Variants in COLQ observed in about 807,000 individuals in gnomAD.
COLQ encodes collagen like tail subunit of asymmetric acetylcholinesterase, also known as acetylcholinesterase collagenic tail peptide.
A neutral mutation model predicts 69.0 loss-of-function variants in COLQ; 48 were observed. That is an observed-to-expected ratio of 0.70 (90% CI 0.55 to 0.88). COLQ has a LOEUF of 0.88. Among genes scored for constraint, COLQ ranks in the 40% least tolerant of loss-of-function variants. The pLI is 0.00. For synonymous variants in COLQ, 217 were observed against 211.2 expected (o/e 1.03, Z -0.24); for missense variants, 618 against 594.6 (o/e 1.04, Z -0.41).
intron 1 of COLQ, among the ~76,000 whole-genome samples, chr3:15,518,425 C>A (rs559605204): frequency 6.6e-6 from 1 of 152,292 alleles, no homozygotes; most frequent in South Asian, 2.1e-4. Flanking sequence ...TAGAGTGGTG[C>A]CCAAAGTAAG....
chr3:15,450,749 G>C lies in COLQ; in HGVS notation c.*895C>G, dbSNP rs1428792992. Reference sequence around the variant, plus strand: ...CAGCTGGCCCTAGATCGGGGACTCAGGGGAGTATCTGCCTAAGGACCAAGG... The same window carrying C: ...CAGCTGGCCCTAGATCGGGGACTCACGGGAGTATCTGCCTAAGGACCAAGG... On this transcript the variant is annotated 3_prime_UTR_variant, in exon 17 of 17. Transcript: ENST00000383788. The C allele has an allele frequency of 6.6e-6, 1 of 152,430 alleles. No individual in the cohort carries two copies. The highest frequency in any genetic ancestry group is 1.9e-4 in the East Asian group (1 of 5,196). The allele number at this position is 152,430 out of a possible 1,614,324, so 9.4% of individuals were successfully genotyped here.
chr3:15,517,819 G>A (rs1045900570), intron 1 of COLQ, among the ~76,000 whole-genome samples: 1 of 152,114 alleles, frequency 6.6e-6, no homozygotes, highest in Non-Finnish European at 1.5e-5. Context: ...GATAAAGTAG[G>A]CACAATCCAG....
intron 15 of COLQ, 90 bp downstream of exon 15, chr3:15,455,809 A>T (rs2125085128): frequency 6.4e-7 from 1 of 1,571,788 alleles, no homozygotes; most frequent in East Asian, 2.3e-5. Flanking sequence ...GAAAGGTCCC[A>T]AAGCACCACA....
intron 1 of COLQ, among the ~76,000 whole-genome samples, chr3:15,499,871 C>T (rs888097729): frequency 1.3e-5 from 2 of 152,154 alleles, no homozygotes; most frequent in African/African-American, 4.8e-5. Flanking sequence ...AGCTTTCTTA[C>T]TTATAAAGTG....
chr3:15,481,976 A>G (rs533876063), intron 3 of COLQ, among the ~76,000 whole-genome samples: 15 of 152,254 alleles, frequency 9.9e-5, no homozygotes, highest in Admixed American at 2.6e-4. Context: ...CTTTGAAGCA[A>G]TTGTGAATGG....
At chr3:15,475,351 C>G in intron 7 of COLQ, 74 bp downstream of exon 7, 2 of 1,401,826 alleles carry the variant, frequency 1.4e-6, no homozygotes. Flanking sequence ...CCACCCAGTC[C>G]CTATGTTTGT....
chr3:15,486,206 T>C (rs2062571070), intron 3 of COLQ, among the ~76,000 whole-genome samples: 1 of 152,220 alleles, frequency 6.6e-6, no homozygotes, highest in African/African-American at 2.4e-5. Context: ...CACAAGGTCA[T>C]TGTGCTCTAG....
At position 15,474,277 on chromosome 3, in the gene COLQ, G is replaced by A. The variant is rs758596509; in HGVS notation, c.556-5C>T. On this transcript the variant is annotated splice_region_variant and splice_polypyrimidine_tract_variant and intron_variant, in intron 8 of 16. Transcript: ENST00000383788. The stretch of plus-strand genomic sequence containing the variant: ...ACCCTTTTCACCTCTGGATCCCTAG[G>A]AAGAAACCATAGGAGAAAGTCAATG... The A allele has an allele frequency of 3.7e-6, 6 of 1,613,846 alleles. No individual in the cohort carries two copies. Among genetic ancestry groups the A allele is most frequent in the Non-Finnish European group, 4.2e-6 (5 of 1,179,748 alleles).
intron 15 of COLQ, among the ~76,000 whole-genome samples, chr3:15,454,651 GTTTT>G (rs56053367): frequency 5.1e-5 from 6 of 118,142 alleles, no homozygotes; most frequent in African/African-American, 1.8e-4. Context: ...CCCCTGAACT[GTTTT>G]TTTTTTTTTT....
At chr3:15,510,780 A>T (rs1233974613) in intron 1 of COLQ, among the ~76,000 whole-genome samples, 1 of 65,448 alleles carries the variant, frequency 1.5e-5, no homozygotes, top group East Asian at 5.0e-4. Flanking sequence ...GGGGAGGGGA[A>T]TGGAGGGGAG....
At chr3:15,487,055 G>C (rs979499222) in intron 3 of COLQ, among the ~76,000 whole-genome samples, 1 of 152,174 alleles carries the variant, frequency 6.6e-6, no homozygotes, top group Non-Finnish European at 1.5e-5. Context: ...TTTTACAGAG[G>C]GGAGACCAGG....
intron 1 of COLQ, chr3:15,498,418 T>C (rs2062780418): frequency 7.5e-7 from 1 of 1,339,578 alleles, no homozygotes; most frequent in Non-Finnish European, 1.0e-6. Context: ...TAAAACCTCC[T>C]AGTACAGTCT....
chr3:15,502,208 C>T (rs9813682), intron 1 of COLQ, among the ~76,000 whole-genome samples: 4,075 of 149,776 alleles, frequency 0.027, 184 homozygotes, highest in African/African-American at 0.092. Flanking sequence ...CTCTGCCTCT[C>T]GGATTTAAGA....
intron 13 of COLQ, among the ~76,000 whole-genome samples, chr3:15,457,634 A>ACGGAGTCTCGCTCTG (rs2062044367): frequency 1.2e-5 from 1 of 80,808 alleles, no homozygotes; most frequent in Non-Finnish European, 2.5e-5. Context: ...TTTTTTTGAG[A>ACGGAGTCTCGCTCTG]CGGAGTCTCG....
intron 8 of COLQ, among the ~76,000 whole-genome samples, chr3:15,474,707 C>T (rs2062348602): frequency 6.6e-6 from 1 of 152,228 alleles, no homozygotes; most frequent in African/African-American, 2.4e-5. Context: ...CACGAGGGGC[C>T]TCTGCCTCTA....
intron 12 of COLQ, among the ~76,000 whole-genome samples, chr3:15,464,017 G>A (rs1237068594): frequency 1.3e-5 from 2 of 152,188 alleles, no homozygotes; most frequent in Middle Eastern, 3.2e-3. Flanking sequence ...GCAAGAGTTT[G>A]TGCTTTCTTG....
chr3:15,476,891 G>T (rs549357937), intron 6 of COLQ, among the ~76,000 whole-genome samples: 2 of 152,296 alleles, frequency 1.3e-5, no homozygotes, highest in South Asian at 4.1e-4. Flanking sequence ...TGTAGAAGAG[G>T]GTACCAGCCC....
chr3:15,478,904 C>T, intron 5 of COLQ, 73 bp downstream of exon 5: 4 of 1,581,144 alleles, frequency 2.5e-6, no homozygotes, highest in African/African-American at 1.3e-5. Flanking sequence ...CTGTTCCCCC[C>T]TCCCTAGGAG....
At chr3:15,455,815 C>T (rs562700516) in intron 15 of COLQ, 84 bp downstream of exon 15, 15 of 1,583,456 alleles carry the variant, frequency 9.5e-6, no homozygotes, top group Non-Finnish European at 1.3e-5. Flanking sequence ...TCCCAAAGCA[C>T]CACAGCTGGT....
Sources: allele counts gnomAD v4.1 joint callset (sites outside exome capture counted in the v4.1 genomes callset), GRCh38; gene constraint gnomAD v4.1.1; transcripts MANE v1.5; gene names NCBI Gene and HGNC (gene_info 2026-07-23, HGNC 2026-07-21).